ARHGAP40: variants seen among roughly 807,000 people sequenced by gnomAD.
ARHGAP40 encodes Rho GTPase activating protein 40.
A neutral mutation model predicts 73.5 loss-of-function variants in ARHGAP40; 43 were observed. That is an observed-to-expected ratio of 0.58 (90% confidence interval 0.46 to 0.75). ARHGAP40 has a LOEUF of 0.75. Ranked by LOEUF, ARHGAP40 falls within the 30% of genes least tolerant of loss-of-function variation. The pLI is 0.00. For missense variants in ARHGAP40, 734 were observed against 861.8 expected (o/e 0.85, Z 1.86); for synonymous variants, 300 against 352.8 (o/e 0.85, Z 1.68).
chr20:38,621,422 T>C (rs944297150), intron 1 of ARHGAP40, among the ~76,000 whole-genome samples: 2 of 152,212 alleles, frequency 1.3e-5, no homozygotes, highest in African/African-American at 4.8e-5. Context: ...AAATGCGCTG[T>C]GTGGGGGACC....
intron 1 of ARHGAP40, among the ~76,000 whole-genome samples, chr20:38,611,144 C>T (rs1294679538): frequency 3.3e-5 from 5 of 152,246 alleles, no homozygotes; most frequent in Admixed American, 6.5e-5. Context: ...CCTGCCTCAG[C>T]CTCCCAAAGT....
At chr20:38,642,970 G>A (rs538127221) in intron 10 of ARHGAP40, among the ~76,000 whole-genome samples, 82 of 152,068 alleles carry the variant, frequency 5.4e-4, no homozygotes, top group South Asian at 2.1e-3. Context: ...GTGAAACCCC[G>A]TCTGTACTAC....
intron 1 of ARHGAP40, among the ~76,000 whole-genome samples, chr20:38,609,806 C>T (rs920167419): frequency 3.9e-5 from 6 of 152,250 alleles, no homozygotes; most frequent in African/African-American, 1.4e-4. Flanking sequence ...CTGGCTGGAG[C>T]AGAGAGTGGG....
chr20:38,609,947 A>G (rs2088794698), intron 1 of ARHGAP40, among the ~76,000 whole-genome samples: 2 of 152,224 alleles, frequency 1.3e-5, no homozygotes, highest in African/African-American at 4.8e-5. Flanking sequence ...AGAGTGAGCA[A>G]TGAGGACCTC....
In ARHGAP40 at chr20:38,623,568, C is replaced by A. The variant is rs1264832386; in HGVS notation, c.337+10C>A. 12 of 1,283,304 alleles carry A rather than the reference C, an allele frequency of 9.4e-6. No individual in the cohort carries two copies. Among genetic ancestry groups the A allele is most frequent in the South Asian group, 1.3e-5 (1 of 79,680 alleles). 79.5% of individuals were successfully genotyped at this position (1,283,304 alleles called of 1,614,324 possible). A position where few individuals can be genotyped will look rare whatever the true frequency, so the allele number is the denominator to read the frequency against. ...GGCCAGCTTCCAGAGGGTGAGAGAC[C>A]CTGGCGGGGGCCTATAGGGGTGGTG... On this transcript the variant is annotated intron_variant, in intron 2 of 14. Coordinates refer to ENST00000373345, the Ensembl canonical transcript of ARHGAP40.
intron 10 of ARHGAP40, among the ~76,000 whole-genome samples, chr20:38,642,166 T>C (rs1283584466): frequency 6.6e-6 from 1 of 152,206 alleles, no homozygotes; most frequent in Non-Finnish European, 1.5e-5. Flanking sequence ...TTAGAGAATC[T>C]CCAAGTGGGA....
intron 5 of ARHGAP40, among the ~76,000 whole-genome samples, chr20:38,630,326 C>T (rs111807070): frequency 2.0e-5 from 3 of 151,810 alleles, no homozygotes; most frequent in African/African-American, 7.3e-5. Flanking sequence ...CTCAAGCTAT[C>T]CTTACACCTC....
At chr20:38,638,729 C>A in intron 7 of ARHGAP40, 32 bp from the exon 8 acceptor site, 3 of 1,298,016 alleles carry the variant, frequency 2.3e-6, no homozygotes, top group Non-Finnish European at 3.1e-6. Context: ...TCAGCGGTTC[C>A]TGGTTTAAAT....
chr20:38,648,733 G>C lies in ARHGAP40; in HGVS notation c.1936+35G>C, dbSNP rs75323515. 7.9e-3 allele frequency: 10,297 copies of C among 1,302,076 alleles called. 663 individuals are homozygous for C. The African/African-American group carries it at 0.14, about 17-fold the overall frequency. 80.7% of individuals were successfully genotyped at this position (1,302,076 alleles called of 1,614,324 possible). On this transcript the variant is annotated intron_variant, in intron 14 of 14. Coordinates refer to ENST00000373345, the Ensembl canonical transcript of ARHGAP40. ...ACTGTGGGAAACAGGAACAGAGCCCGGGTCCCTGGGAGTTCTTCGACCTCA... is the reference window on the plus strand; with the variant it reads ...ACTGTGGGAAACAGGAACAGAGCCCCGGTCCCTGGGAGTTCTTCGACCTCA...
chr20:38,605,471 A>G (rs1370367374), intron 1 of ARHGAP40, among the ~76,000 whole-genome samples: 1 of 152,198 alleles, frequency 6.6e-6, no homozygotes, highest in African/African-American at 2.4e-5. Flanking sequence ...TTCACTGTCT[A>G]TGTGGACTTC....
At chr20:38,645,610 G>C (rs563869735) in intron 11 of ARHGAP40, among the ~76,000 whole-genome samples, 1 of 152,170 alleles carries the variant, frequency 6.6e-6, no homozygotes, top group South Asian at 2.1e-4. Context: ...GACTCTGCTG[G>C]GTTCGGATCC....
At position 38,640,414 on chromosome 20, in the gene ARHGAP40, G is replaced by T. The variant is rs925280593; in HGVS notation, c.1279+1028G>T. 5.9e-5 allele frequency among the ~76,000 whole-genome samples: 9 copies of T among 151,912 alleles called. No individual in the cohort carries two copies. The East Asian group carries it at 1.5e-3, about 26-fold the overall frequency. ...TTAACATTTTTTTGTAGTGACGGGG[G>T]TCTCGCTATGTCGCCCAGGCTAGTG... On this transcript the variant is annotated intron_variant, in intron 9 of 14. Coordinates refer to ENST00000373345, the Ensembl canonical transcript of ARHGAP40.
chr20:38,619,876 G>A (rs2088865114), intron 1 of ARHGAP40, among the ~76,000 whole-genome samples: 1 of 151,852 alleles, frequency 6.6e-6, no homozygotes, highest in Admixed American at 6.6e-5. Flanking sequence ...GCATTTAAGG[G>A]CAGCCTGAGC....
chr20:38,626,636 T>G (rs1157497427), intron 2 of ARHGAP40, among the ~76,000 whole-genome samples: 2 of 152,222 alleles, frequency 1.3e-5, no homozygotes, highest in African/African-American at 4.8e-5. Context: ...CATGTGACCC[T>G]GTAGTGGTCT....
At chr20:38,618,499 G>A (rs1486229068) in intron 1 of ARHGAP40, among the ~76,000 whole-genome samples, 1 of 152,130 alleles carries the variant, frequency 6.6e-6, no homozygotes, top group Non-Finnish European at 1.5e-5. Flanking sequence ...CGATTCGATG[G>A]GTAAGGAATT....
chr20:38,639,148 C>T, intron 8 of ARHGAP40, 79 bp from the exon 9 acceptor site: 1 of 1,268,986 alleles, frequency 7.9e-7, no homozygotes, highest in Non-Finnish European at 1.0e-6. Context: ...GATGAGGAAA[C>T]CAAGCCCCAG....
chr20:38,621,217 A>T (rs2088871727), intron 1 of ARHGAP40, among the ~76,000 whole-genome samples: 1 of 152,176 alleles, frequency 6.6e-6, no homozygotes, highest in Non-Finnish European at 1.5e-5. Context: ...ATCAGAACAA[A>T]CAAACATCCA....
intron 10 of ARHGAP40, 138 bp from the exon 11 acceptor site, chr20:38,643,566 C>T (rs62201576): frequency 0.061 from 34,398 of 562,602 alleles, 2,339 homozygotes; most frequent in African/African-American, 0.27. Context: ...ACAGCTGGAA[C>T]GGGAGCCCCT....
At chr20:38,635,503 A>G (rs2088969131) in intron 6 of ARHGAP40, among the ~76,000 whole-genome samples, 1 of 151,996 alleles carries the variant, frequency 6.6e-6, no homozygotes, top group Admixed American at 6.6e-5. Flanking sequence ...GTCTCTACAA[A>G]AAATAAAAAA....
Sources: gnomAD v4.1 joint callset for allele counts (sites outside exome capture counted in the v4.1 genomes callset) on GRCh38, gnomAD v4.1.1 for gene constraint, MANE v1.5 for transcripts, NCBI Gene and HGNC (gene_info 2026-07-23, HGNC 2026-07-21) for gene names.